Variants in RNLS observed in about 807,000 individuals in gnomAD.
RNLS encodes renalase, FAD dependent amine oxidase.
Under a neutral mutation model 39.8 loss-of-function variants are expected in RNLS, and 39 were observed. The ratio of observed to expected loss-of-function variants is 0.98; its 90% CI spans 0.76 to 1.28. The LOEUF (loss-of-function observed/expected upper bound fraction) is 1.28, where lower values mean the gene tolerates loss of function less well. Among genes scored for constraint, RNLS ranks in the 50% most tolerant of loss-of-function variants. The pLI, the probability that RNLS is intolerant of heterozygous loss-of-function variation, is 0.00. For missense variants in RNLS, 410 were observed against 413.3 expected (o/e 0.99, Z 0.07); for synonymous variants, 147 against 150.7 (o/e 0.98, Z 0.18).
At chr10:88,286,202 T>C (rs1843255833) in intron 6 of RNLS, among the ~76,000 whole-genome samples, 1 of 152,148 alleles carries the variant, frequency 6.6e-6, no homozygotes, top group African/African-American at 2.4e-5. Context: ...TCCTCACATA[T>C]TTCCTGAGCG....
rs570335142 is a variant in RNLS at position 88,377,709 on chromosome 10, A to G, written c.527-14984T>C. Among the ~76,000 whole-genome samples, 37 of 152,336 alleles carry G rather than the reference A, an allele frequency of 2.4e-4. No individual in the cohort carries two copies. In the South Asian group the frequency reaches 7.7e-3, roughly 32 times the overall value. ...GAAAGTTGCTGTGGGTGAGTCAGTG[A>G]GTCAATGGTGAATGAATGTGAAGGC... On this transcript the variant is annotated intron_variant, in intron 4 of 6. Coordinates refer to ENST00000331772, the MANE Select transcript of RNLS (RefSeq NM_001031709.3).
Position 88,340,394 on chromosome 10 carries a change from G to T in RNLS, c.700+22158C>A, listed in dbSNP as rs117634027. ...CTCTCCTATGAAATACTTTCGTATG[G>T]AGGATAAACCTCAGGAGATTGATTT... On this transcript the variant is annotated intron_variant, in intron 5 of 6. Transcript: ENST00000331772. Among the ~76,000 whole-genome samples the T allele has an allele frequency of 2.6e-3, 399 of 152,346 alleles. 5 individuals carry two copies. Among genetic ancestry groups the T allele is most frequent in the Non-Finnish European group, 4.5e-3 (307 of 68,028 alleles).
chr10:88,325,596 T>C (rs1489306651), intron 5 of RNLS, among the ~76,000 whole-genome samples: 3 of 152,222 alleles, frequency 2.0e-5, no homozygotes, highest in Admixed American at 1.3e-4. Flanking sequence ...CTCAGATTCA[T>C]GGTCATGACA....
chr10:88,234,901 T>C, the RNLS span, among the ~76,000 whole-genome samples: 1 of 152,076 alleles, frequency 6.6e-6, no homozygotes, highest in Non-Finnish European at 1.5e-5. Context: ...AAGTGAGATT[T>C]CATTAGGGTG....
intron 4 of RNLS, among the ~76,000 whole-genome samples, chr10:88,489,914 T>C (rs144835809): frequency 6.6e-6 from 1 of 152,316 alleles, no homozygotes; most frequent in East Asian, 1.9e-4. Flanking sequence ...TATGAATTAC[T>C]GATTTTCTAT....
At chr10:88,330,203 T>A (rs1460759080) in intron 5 of RNLS, among the ~76,000 whole-genome samples, 1 of 151,114 alleles carries the variant, frequency 6.6e-6, no homozygotes, top group Non-Finnish European at 1.5e-5. Flanking sequence ...TATATATTTC[T>A]ATTGTGAGCT....
chr10:88,325,049 A>G (rs1328492952), intron 5 of RNLS, among the ~76,000 whole-genome samples: 3 of 152,134 alleles, frequency 2.0e-5, no homozygotes, highest in Non-Finnish European at 1.5e-5. Context: ...TTCACCCTTC[A>G]ATGGACGCTT....
chr10:88,306,400 G>GA (rs1353057757), intron 6 of RNLS, among the ~76,000 whole-genome samples: 1 of 151,566 alleles, frequency 6.6e-6, no homozygotes, highest in Non-Finnish European at 1.5e-5. Flanking sequence ...CTGTTTTCTG[G>GA]AAAAAAATTA....
chr10:88,337,272 C>T (rs1847572919), intron 5 of RNLS, among the ~76,000 whole-genome samples: 1 of 152,098 alleles, frequency 6.6e-6, no homozygotes, highest in African/African-American at 2.4e-5. Flanking sequence ...GACCTCCAGG[C>T]TAGTTAGGAG....
chr10:88,503,124 T>C (rs752090139), intron 4 of RNLS, among the ~76,000 whole-genome samples: 1 of 152,182 alleles, frequency 6.6e-6, no homozygotes, highest in Non-Finnish European at 1.5e-5. Flanking sequence ...CTCACACCTG[T>C]AATCCCAGCA....
chr10:88,530,974 T>A (rs1847387987), intron 4 of RNLS, among the ~76,000 whole-genome samples: 1 of 152,086 alleles, frequency 6.6e-6, no homozygotes, highest in African/African-American at 2.4e-5. Flanking sequence ...GAAATGCACA[T>A]AATTTCACTT....
intron 4 of RNLS, among the ~76,000 whole-genome samples, chr10:88,462,471 A>T (rs1174515813): frequency 2.0e-5 from 3 of 152,012 alleles, no homozygotes; most frequent in Admixed American, 1.3e-4. Context: ...ATGAACATTT[A>T]TTGGATGTTT....
At chr10:88,279,318 T>C (rs1224548537), downstream of RNLS, among the ~76,000 whole-genome samples, 1 of 152,216 alleles carries the variant, frequency 6.6e-6, no homozygotes, top group African/African-American at 2.4e-5. Flanking sequence ...CATATTTTAC[T>C]ATTATAATAG....
At chr10:88,393,672 C>T (rs1852360326) in intron 4 of RNLS, among the ~76,000 whole-genome samples, 1 of 152,070 alleles carries the variant, frequency 6.6e-6, no homozygotes. Context: ...TGACTTTCTT[C>T]ACAGAATTGG....
intron 4 of RNLS, among the ~76,000 whole-genome samples, chr10:88,421,915 C>T (rs1262236804): frequency 2.0e-5 from 3 of 152,144 alleles, no homozygotes; most frequent in Admixed American, 6.6e-5. Flanking sequence ...CCCCACACAT[C>T]GCTTTCCTCT....
At chr10:88,409,141 T>TGG (rs1853495204) in intron 4 of RNLS, among the ~76,000 whole-genome samples, 1 of 152,116 alleles carries the variant, frequency 6.6e-6, no homozygotes, top group African/African-American at 2.4e-5. Context: ...AGTCATTAGT[T>TGG]GAATGTGCAC....
intron 5 of RNLS, among the ~76,000 whole-genome samples, chr10:88,326,248 A>G (rs972909178): frequency 3.3e-5 from 5 of 152,214 alleles, no homozygotes; most frequent in African/African-American, 1.2e-4. Context: ...TCAGAAGAAG[A>G]CAGGAAGATG....
intron 4 of RNLS, among the ~76,000 whole-genome samples, chr10:88,548,289 A>AAAAAGAAAAAAAAAAAAG (rs1848435432): frequency 1.2e-5 from 1 of 80,246 alleles, no homozygotes; most frequent in Admixed American, 1.5e-4. Context: ...AAAAAAAAAA[A>AAAAAGAAAAAAAAAAAAG]AAAAGAAAAG....
intron 4 of RNLS, among the ~76,000 whole-genome samples, chr10:88,375,263 C>T (rs1850885914): frequency 6.6e-6 from 1 of 151,998 alleles, no homozygotes; most frequent in Non-Finnish European, 1.5e-5. Context: ...GGCTTTAATG[C>T]TTAGAGTTGC....
Sources: allele counts gnomAD v4.1 joint callset (sites outside exome capture counted in the v4.1 genomes callset), GRCh38; gene constraint gnomAD v4.1.1; transcripts MANE v1.5; gene names NCBI Gene and HGNC (gene_info 2026-07-23, HGNC 2026-07-21).